The following STAG2 variants were observed in gnomAD, a reference collection of about 807,000 sequenced individuals.
STAG2 encodes the protein cohesin subunit SA-2.
STAG2 carries 14 observed loss-of-function variants against 108.1 expected under a neutral mutation model. The observed-to-expected ratio is 0.13, with a 90% CI of 0.09 to 0.20. The LOEUF (loss-of-function observed/expected upper bound fraction) is 0.20. Ranked by LOEUF, STAG2 falls within the 10% of genes least tolerant of loss-of-function variation. The pLI is 1.00. For missense variants in STAG2, 440 were observed against 940.9 expected, an observed-to-expected ratio of 0.47 and a Z score of 6.96; for synonymous variants, 307 against 302.7, an observed-to-expected ratio of 1.01 and a Z score of -0.15.
intron 1 of STAG2, among the ~76,000 whole-genome samples, chrX:123,978,634 A>G (rs962084765): frequency 9.0e-6 from 1 of 111,402 alleles, no homozygotes; most frequent in African/African-American, 3.3e-5. Flanking sequence ...CATTTGCCTT[A>G]TAGGTTATTT....
At chrX:124,059,009 G>T (rs145181854) in intron 15 of STAG2, among the ~76,000 whole-genome samples, 166 of 108,500 alleles carry the variant, frequency 1.5e-3, no homozygotes, top group Non-Finnish European at 2.8e-3. Flanking sequence ...TTATTGAATT[G>T]TCTAAGACCT....
chrX:124,009,791 C>CTT (rs1333078721), intron 1 of STAG2, among the ~76,000 whole-genome samples: 3 of 111,702 alleles, frequency 2.7e-5, no homozygotes, highest in African/African-American at 9.8e-5. Context: ...TGGTGAGCAA[C>CTT]TTAAATGTAA....
chrX:124,001,505 T>G (rs2056040197), intron 1 of STAG2, among the ~76,000 whole-genome samples: 1 of 112,063 alleles, frequency 8.9e-6, no homozygotes, highest in South Asian at 3.7e-4. Context: ...ACTCACTGAC[T>G]CACTCAGAGC....
intron 29 of STAG2, among the ~76,000 whole-genome samples, chrX:124,086,176 C>T (rs887513428): frequency 5.5e-4 from 61 of 110,151 alleles, no homozygotes; most frequent in African/African-American, 1.8e-3. Flanking sequence ...ATATCTAGCA[C>T]ATAGTCGTCA....
Position 123,991,813 on chromosome X carries a change from C to T in STAG2, c.-162-29554C>T, listed in dbSNP as rs751142494. On this transcript the variant is annotated intron_variant, in intron 1 of 34. Transcript: ENST00000371145. ...CCGAGTAGCTGGGATTACAGGTGCA[C>T]GCCACCACGCCCAGCTAATTTTGTA... Among the ~76,000 whole-genome samples the T allele has an allele frequency of 9.9e-5, 11 of 111,119 alleles. No homozygotes were observed. In the South Asian group the frequency reaches 3.0e-3, roughly 30 times the overall value.
intron 27 of STAG2, among the ~76,000 whole-genome samples, chrX:124,079,429 G>A (rs1214010487): frequency 1.8e-5 from 2 of 109,035 alleles, no homozygotes; most frequent in Non-Finnish European, 3.8e-5. Context: ...GTGAGCCACC[G>A]TACCCAGCCA....
chrX:124,078,239 C>G (rs1181824439), intron 27 of STAG2, among the ~76,000 whole-genome samples, 181 bp downstream of exon 27: 1 of 112,002 alleles, frequency 8.9e-6, no homozygotes, highest in Admixed American at 9.5e-5. Flanking sequence ...AAACCTATAG[C>G]TATCTAAGGT....
chrX:124,010,988 T>G (rs1392070310), intron 1 of STAG2, among the ~76,000 whole-genome samples: 1 of 111,570 alleles, frequency 9.0e-6, no homozygotes, highest in Non-Finnish European at 1.9e-5. Context: ...CTTTGGGTAG[T>G]ATGGACTTCA....
At chrX:123,980,125 C>G (rs1274065601) in intron 1 of STAG2, among the ~76,000 whole-genome samples, 1 of 111,869 alleles carries the variant, frequency 8.9e-6, no homozygotes, top group Non-Finnish European at 1.9e-5. Context: ...TTTTACTGTA[C>G]TCTTGCATCC....
intron 13 of STAG2, among the ~76,000 whole-genome samples, chrX:124,052,109 C>T (rs905086881): frequency 1.8e-5 from 2 of 111,987 alleles, no homozygotes; most frequent in African/African-American, 6.5e-5. Flanking sequence ...AATTTAAGAC[C>T]TATTCTGTGT....
chrX:124,094,776 A>T (rs954479946), intron 33 of STAG2, among the ~76,000 whole-genome samples: 2 of 112,234 alleles, frequency 1.8e-5, no homozygotes, highest in Non-Finnish European at 3.8e-5. Context: ...TGATACTTAT[A>T]AGTCCAGTCT....
At chrX:124,089,332 CAAA>C in intron 30 of STAG2, among the ~76,000 whole-genome samples, 1 of 112,482 alleles carries the variant, frequency 8.9e-6, no homozygotes, top group Non-Finnish European at 1.9e-5. Context: ...CAATTGTACA[CAAA>C]TTTGACTTAT....
At chrX:124,091,053 A>G in intron 32 of STAG2, 89 bp downstream of exon 32, 1 of 720,335 alleles carries the variant, frequency 1.4e-6, no homozygotes, top group Non-Finnish European at 2.0e-6. Context: ...AAATTTCAGC[A>G]AACTCTCTAG....
chrX:123,996,873 G>A (rs775293624), intron 1 of STAG2, among the ~76,000 whole-genome samples: 63 of 112,338 alleles, frequency 5.6e-4, no homozygotes, highest in African/African-American at 1.8e-3. Context: ...ATAGTTTTAG[G>A]TTTTTACATT....
At chrX:124,017,502 G>A (rs1382530274) in intron 1 of STAG2, among the ~76,000 whole-genome samples, 1 of 111,533 alleles carries the variant, frequency 9.0e-6, no homozygotes, top group African/African-American at 3.3e-5. Context: ...GAGCCACCGT[G>A]CCTGGCCCCT....
chrX:123,980,779 A>T (rs1010561092), intron 1 of STAG2, among the ~76,000 whole-genome samples: 1 of 112,307 alleles, frequency 8.9e-6, no homozygotes, highest in African/African-American at 3.2e-5. Context: ...CAAAGAATTG[A>T]TTGTACTTAA....
At chrX:123,970,561 C>T (rs1036749028) in intron 1 of STAG2, among the ~76,000 whole-genome samples, 3 of 111,752 alleles carry the variant, frequency 2.7e-5, no homozygotes, top group Admixed American at 9.5e-5. Flanking sequence ...TATTAAAATT[C>T]GTGATACAAT....
chrX:124,083,424 T>A lies in STAG2; in HGVS notation c.2928T>A (p.Asp976Glu), dbSNP rs1254278387. Residue 976 changes from aspartate to glutamate, a missense_variant, in exon 29 of 35, where the codon GAT becomes GAA. Coordinates refer to ENST00000371145, the MANE Select transcript of STAG2 (RefSeq NM_001042750.2). Reference protein sequence around the residue: ...TREAIAMLHKDGIEFAFKEPN... With the variant: ...TREAIAMLHKEGIEFAFKEPN... ...TATTTTTTGTTTTCCTTTGCAGAGA[T>A]GGCATAGAATTTGCTTTTAAAGAGC... 3 of 1,168,154 alleles carry A rather than the reference T, an allele frequency of 2.6e-6. No homozygotes were observed. The highest frequency in any genetic ancestry group is 2.3e-6 in the Non-Finnish European group (2 of 876,849).
intron 1 of STAG2, among the ~76,000 whole-genome samples, chrX:123,977,071 A>G (rs982210619): frequency 8.9e-6 from 1 of 111,848 alleles, no homozygotes; most frequent in African/African-American, 3.2e-5. Context: ...GTTGCATGTG[A>G]TATGTGTCAT....
Sources: gnomAD v4.1 joint callset for allele counts (sites outside exome capture counted in the v4.1 genomes callset) on GRCh38, gnomAD v4.1.1 for gene constraint, MANE v1.5 for transcripts, NCBI Gene and HGNC (gene_info 2026-07-23, HGNC 2026-07-21) for gene names.